XPR1: variants seen among roughly 807,000 people sequenced by gnomAD.
XPR1 encodes the protein solute carrier family 53 member 1.
A neutral mutation model predicts 87.5 loss-of-function variants in XPR1; 28 were observed. The observed-to-expected ratio is 0.32, with a 90% CI of 0.24 to 0.44. The LOEUF (loss-of-function observed/expected upper bound fraction) is 0.44. XPR1 is among the 20% of genes least tolerant of loss of function. XPR1 has a pLI of 1.00. For missense variants in XPR1, 559 were observed against 862.3 expected, an observed-to-expected ratio of 0.65 and a Z score of 4.41; for synonymous variants, 300 against 306.1, an observed-to-expected ratio of 0.98 and a Z score of 0.21.
At chr1:180,654,505 A>G (rs1331270987) in intron 1 of XPR1, among the ~76,000 whole-genome samples, 1 of 152,074 alleles carries the variant, frequency 6.6e-6, no homozygotes, top group African/African-American at 2.4e-5. Flanking sequence ...CGTCTCTACC[A>G]TCCATCTCAA....
At chr1:180,845,302 AC>A (rs1254094034) in intron 11 of XPR1, among the ~76,000 whole-genome samples, 1 of 152,212 alleles carries the variant, frequency 6.6e-6, no homozygotes, top group African/African-American at 2.4e-5. Flanking sequence ...CCTAGTAAGT[AC>A]CTTTCCACAA....
intron 11 of XPR1, among the ~76,000 whole-genome samples, chr1:180,844,083 C>T (rs936027712): frequency 1.3e-5 from 2 of 151,994 alleles, no homozygotes; most frequent in Non-Finnish European, 2.9e-5. Flanking sequence ...TGGTGGCAGG[C>T]GCCTGTAATC....
intron 2 of XPR1, among the ~76,000 whole-genome samples, chr1:180,736,638 C>T (rs1419484665): frequency 6.6e-6 from 1 of 152,160 alleles, no homozygotes; most frequent in Admixed American, 6.6e-5. Flanking sequence ...GATTTACATA[C>T]AGTATTTCAT....
chr1:180,776,086 A>G (rs1648705514), intron 2 of XPR1, among the ~76,000 whole-genome samples: 1 of 152,188 alleles, frequency 6.6e-6, no homozygotes, highest in South Asian at 2.1e-4. Flanking sequence ...CATTGTAGGT[A>G]TTAAGAAAGT....
chr1:180,812,394 C>G (rs1293757182), intron 7 of XPR1, among the ~76,000 whole-genome samples: 1 of 152,156 alleles, frequency 6.6e-6, no homozygotes, highest in Non-Finnish European at 1.5e-5. Context: ...GTCTACTTGG[C>G]TAGTTGGATT....
At chr1:180,687,646 A>G (rs1656830252) in intron 2 of XPR1, among the ~76,000 whole-genome samples, 1 of 152,124 alleles carries the variant, frequency 6.6e-6, no homozygotes, top group Non-Finnish European at 1.5e-5. Context: ...GCTCTCTGTT[A>G]CTCAAACAAA....
At chr1:180,709,904 A>ATT (rs1657705180) in intron 2 of XPR1, among the ~76,000 whole-genome samples, 1 of 129,428 alleles carries the variant, frequency 7.7e-6, no homozygotes, top group Non-Finnish European at 1.7e-5. Flanking sequence ...TTTTTTTTTA[A>ATT]TTTTTTTATT....
At chr1:180,847,014 C>G (rs1477701799) in intron 11 of XPR1, among the ~76,000 whole-genome samples, 1 of 152,128 alleles carries the variant, frequency 6.6e-6, no homozygotes. Context: ...GAATAATACC[C>G]CAGAACATCT....
At chr1:180,713,874 C>T (rs1474119403) in intron 2 of XPR1, among the ~76,000 whole-genome samples, 1 of 151,958 alleles carries the variant, frequency 6.6e-6, no homozygotes, top group East Asian at 1.9e-4. Flanking sequence ...GTAATGTTTA[C>T]CTCATAGAAT....
At chr1:180,634,074 T>C (rs954181696) in intron 1 of XPR1, among the ~76,000 whole-genome samples, 5 of 152,292 alleles carry the variant, frequency 3.3e-5, no homozygotes, top group Admixed American at 6.5e-5. Context: ...CCTCTTAATT[T>C]GTAATGTCAG....
rs35380232 is a variant in XPR1, at chr1:180,757,506, CT to C, written c.122-30229del. ...CAAAGAAGATGGAAAGTTACTAGGC[CT>C]TTTTTTTTTTTTTTTTTAAAGAGTT... On this transcript the variant is annotated intron_variant, in intron 2 of 14. Coordinates refer to ENST00000367590, the MANE Select transcript of XPR1 (RefSeq NM_004736.4). Among the ~76,000 whole-genome samples, 1,342 of 134,448 alleles carry C rather than the reference CT, an allele frequency of 1.0e-2. 12 individuals are homozygous for C. The highest frequency in any genetic ancestry group is 0.039 in the South Asian group (160 of 4,122). The allele number at this position is 134,448 out of a possible 152,430, so 88.2% of individuals were successfully genotyped here.
chr1:180,794,147 C>G (rs1329602026), intron 3 of XPR1, among the ~76,000 whole-genome samples: 2 of 152,184 alleles, frequency 1.3e-5, no homozygotes, highest in African/African-American at 2.4e-5. Context: ...TGTACTTACA[C>G]AAACCTAGAT....
In XPR1 at chr1:180,889,899, C is replaced by T. The variant is rs921817547; in HGVS notation, c.*5833C>T. 9.9e-5 allele frequency: 15 copies of T among 152,234 alleles called. No individual in the cohort carries two copies. Among genetic ancestry groups the T allele is most frequent in the African/African-American group, 3.4e-4 (14 of 41,446 alleles). The allele number at this position is 152,234 out of a possible 1,614,324, so 9.4% of individuals were successfully genotyped here. A position where few individuals can be genotyped will look rare whatever the true frequency, so the allele number is the denominator to read the frequency against. On this transcript the variant is annotated 3_prime_UTR_variant, in exon 15 of 15. Coordinates refer to ENST00000367590, the MANE Select transcript of XPR1 (RefSeq NM_004736.4). ...GTAACTATGGATTGTGATTAGTCCT[C>T]TGTGGGTGCTTCCTTCCCTCTTTTT...
chr1:180,703,696 A>T (rs1224109718), intron 2 of XPR1, among the ~76,000 whole-genome samples: 1 of 152,150 alleles, frequency 6.6e-6, no homozygotes, highest in Non-Finnish European at 1.5e-5. Flanking sequence ...TAGGGACCCA[A>T]ATAAGATTCA....
intron 6 of XPR1, among the ~76,000 whole-genome samples, chr1:180,810,544 G>A (rs746897009): frequency 2.8e-4 from 43 of 151,428 alleles, no homozygotes; most frequent in Non-Finnish European, 5.6e-4. Flanking sequence ...ACACCCCTGC[G>A]CTCCAGCCTA....
intron 3 of XPR1, among the ~76,000 whole-genome samples, chr1:180,803,016 A>C (rs1378078849): frequency 1.3e-5 from 2 of 152,170 alleles, no homozygotes; most frequent in Non-Finnish European, 2.9e-5. Context: ...TTTTCCTGTG[A>C]GCATATGTTT....
chr1:180,887,488 G>A lies in XPR1; in HGVS notation c.*3422G>A, dbSNP rs1465118618. On this transcript the variant is annotated 3_prime_UTR_variant, in exon 15 of 15. Transcript: ENST00000367590. ...AGGCTGCCTATACCATTACAGTGGC[G>A]TAATTGGTGATTTCATAGCATACAG... 2.6e-5 allele frequency: 4 copies of A among 152,290 alleles called. No individual in the cohort carries two copies. The highest frequency in any genetic ancestry group is 6.5e-5 in the Admixed American group (1 of 15,298). The allele number at this position is 152,290 out of a possible 1,614,324, so 9.4% of individuals were successfully genotyped here. A position where few individuals can be genotyped will look rare whatever the true frequency, so the allele number is the denominator to read the frequency against.
intron 3 of XPR1, among the ~76,000 whole-genome samples, chr1:180,795,450 A>G (rs1649533505): frequency 6.6e-6 from 1 of 152,148 alleles, no homozygotes; most frequent in African/African-American, 2.4e-5. Flanking sequence ...AGGTCACTTG[A>G]TTTACTGGCA....
chr1:180,677,733 A>G (rs183310838), intron 1 of XPR1, among the ~76,000 whole-genome samples: 2 of 152,262 alleles, frequency 1.3e-5, no homozygotes, highest in African/African-American at 4.8e-5. Context: ...TTGTTTTGGG[A>G]AAGGGTTAAT....
Sources: gnomAD v4.1 joint callset for allele counts (sites outside exome capture counted in the v4.1 genomes callset) on GRCh38, gnomAD v4.1.1 for gene constraint, MANE v1.5 for transcripts, NCBI Gene and HGNC (gene_info 2026-07-23, HGNC 2026-07-21) for gene names.